The following ZNF503 variants were observed in gnomAD, a reference collection of about 807,000 sequenced individuals.
The protein encoded by ZNF503 is zinc finger protein 503, also known as NocA-like zinc finger 2.
ZNF503 carries 15 observed loss-of-function variants against 34.4 expected under a neutral mutation model. The ratio of observed to expected loss-of-function variants is 0.44; its 90% CI spans 0.29 to 0.67. The LOEUF (loss-of-function observed/expected upper bound fraction) is 0.67. ZNF503 is among the 30% of genes least tolerant of loss of function. The probability of loss-of-function intolerance (pLI) is 0.13; values close to 1 mark genes in which losing one functional copy is unlikely to be tolerated. For missense variants in ZNF503, 1,007 were observed against 926.8 expected (o/e 1.09, Z -1.12); for synonymous variants, 580 against 456.8 (o/e 1.27, Z -3.44).
the ZNF503 span, among the ~76,000 whole-genome samples, chr10:75,363,046 G>T: frequency 6.6e-6 from 1 of 151,596 alleles, no homozygotes; most frequent in Non-Finnish European, 1.5e-5. Context: ...GCAGGAGTCT[G>T]TGTGTGGGCA....
rs898787913 is a variant in ZNF503 at position 75,398,031 on chromosome 10, T to TC, written c.*717_*718insG. 6.6e-6 allele frequency: 1 copy of TC among 151,432 alleles called. No homozygotes were observed. The highest frequency in any genetic ancestry group is 2.4e-5 in the African/African-American group (1 of 41,326). The allele number at this position is 151,432 out of a possible 1,614,324, so 9.4% of individuals were successfully genotyped here. A position where few individuals can be genotyped will look rare whatever the true frequency, so the allele number is the denominator to read the frequency against. ...GAATAGAATTTTTTCTTTTTCTTTT[T>TC]TTTTTTGTTGTTTTCTTCCAGAATA... On this transcript the variant is annotated 3_prime_UTR_variant, in exon 2 of 2. Coordinates refer to ENST00000372524, the MANE Select transcript of ZNF503 (RefSeq NM_032772.6).
At chr10:75,323,046 A>G in the ZNF503 span, among the ~76,000 whole-genome samples, 4 of 152,116 alleles carry the variant, frequency 2.6e-5, no homozygotes, top group African/African-American at 9.7e-5. Context: ...TTACTCCAAA[A>G]TTCCCTTGTT....
At chr10:75,325,758 T>A in the ZNF503 span, among the ~76,000 whole-genome samples, 3 of 147,942 alleles carry the variant, frequency 2.0e-5, no homozygotes, top group East Asian at 5.8e-4. Context: ...ATGGCATATC[T>A]TTCCATTTAT....
At chr10:75,287,775 C>T in the ZNF503 span, among the ~76,000 whole-genome samples, 1 of 152,178 alleles carries the variant, frequency 6.6e-6, no homozygotes, top group Non-Finnish European at 1.5e-5. Context: ...GTCATGGCTG[C>T]CAAAGCTATG....
At chr10:75,353,309 G>A in the ZNF503 span, among the ~76,000 whole-genome samples, 1 of 152,072 alleles carries the variant, frequency 6.6e-6, no homozygotes, top group African/African-American at 2.4e-5. Context: ...GCCCACCCAG[G>A]CTCTCACTCA....
the ZNF503 span, among the ~76,000 whole-genome samples, chr10:75,366,914 T>A: frequency 2.1e-5 from 3 of 144,884 alleles, no homozygotes; most frequent in African/African-American, 8.7e-5. Flanking sequence ...ACTACTAGCT[T>A]GCTTAATATA....
At chr10:75,327,415 G>A in the ZNF503 span, among the ~76,000 whole-genome samples, 1 of 152,166 alleles carries the variant, frequency 6.6e-6, no homozygotes, top group Non-Finnish European at 1.5e-5. Context: ...CATCCGTGTT[G>A]CCATGAAAAA....
At chr10:75,322,640 C>T in the ZNF503 span, among the ~76,000 whole-genome samples, 97 of 151,712 alleles carry the variant, frequency 6.4e-4, no homozygotes, top group African/African-American at 2.2e-3. Context: ...GACCAGCCTG[C>T]GCAACATGGT....
the ZNF503 span, among the ~76,000 whole-genome samples, chr10:75,377,758 A>G: frequency 2.6e-5 from 4 of 152,258 alleles, no homozygotes; most frequent in Non-Finnish European, 5.9e-5. Context: ...CGAGGTCTGC[A>G]TGGCCACACA....
At chr10:75,307,563 G>C in the ZNF503 span, among the ~76,000 whole-genome samples, 9 of 152,256 alleles carry the variant, frequency 5.9e-5, no homozygotes, top group Non-Finnish European at 1.2e-4. Context: ...AAGACAATTG[G>C]TGAAAGTGGT....
At chr10:75,285,289 T>C in the ZNF503 span, among the ~76,000 whole-genome samples, 1 of 152,222 alleles carries the variant, frequency 6.6e-6, no homozygotes, top group Admixed American at 6.5e-5. Flanking sequence ...AGTGAGAAAT[T>C]GAACCCATAC....
the ZNF503 span, among the ~76,000 whole-genome samples, chr10:75,337,861 C>T: frequency 6.6e-6 from 1 of 152,282 alleles, no homozygotes; most frequent in South Asian, 2.1e-4. Flanking sequence ...AACACCAATA[C>T]CTAGAGAGGG....
chr10:75,279,777 CT>C, the ZNF503 span: 1 of 152,202 alleles, frequency 6.6e-6, no homozygotes, highest in African/African-American at 2.4e-5. Context: ...TCTGGGAAAT[CT>C]AAGATCAAGG....
chr10:75,353,364 C>T, the ZNF503 span, among the ~76,000 whole-genome samples: 6 of 152,218 alleles, frequency 3.9e-5, no homozygotes, highest in Admixed American at 2.6e-4. Context: ...CGGCCAATTC[C>T]TGGCTGACCC....
the ZNF503 span, among the ~76,000 whole-genome samples, chr10:75,342,825 GCAGGCT>G: frequency 6.6e-6 from 1 of 152,072 alleles, no homozygotes; most frequent in African/African-American, 2.4e-5. Context: ...CTCCAGAAGG[GCAGGCT>G]CATGTCTCAC....
At position 75,399,289 on chromosome 10, in the gene ZNF503, C is replaced by T; in HGVS notation, c.1401G>A (p.Pro467=). 2 of 1,600,598 alleles carry T rather than the reference C, an allele frequency of 1.2e-6. No individual in the cohort carries two copies. The highest frequency in any genetic ancestry group is 1.7e-6 in the Non-Finnish European group (2 of 1,174,712). Residue 467 remains proline, a synonymous_variant, in exon 2 of 2, where the codon CCG becomes CCA. Transcript: ENST00000372524. ...AAAAALKSGY[P]LVYPTHPLHG... ...GCAGCGGGTGCGTGGGGTACACCAG[C>T]GGGTATCCGGACTTCAGCGCCGCAG... is the stretch of plus-strand genomic sequence containing the variant.
chr10:75,346,914 T>C, the ZNF503 span, among the ~76,000 whole-genome samples: 1 of 152,200 alleles, frequency 6.6e-6, no homozygotes, highest in Non-Finnish European at 1.5e-5. Context: ...AGTGTTGGGA[T>C]TGGGATTACA....
At chr10:75,384,379 C>T in the ZNF503 span, among the ~76,000 whole-genome samples, 341 of 152,260 alleles carry the variant, frequency 2.2e-3, 1 homozygote, top group African/African-American at 7.7e-3. Flanking sequence ...CTCGTACACA[C>T]TTTCCCATAT....
At chr10:75,371,347 A>C in the ZNF503 span, among the ~76,000 whole-genome samples, 2 of 152,016 alleles carry the variant, frequency 1.3e-5, no homozygotes, top group Non-Finnish European at 2.9e-5. Flanking sequence ...AATGGTTTGA[A>C]CCCAAACACT....
Sources: gnomAD v4.1 joint callset for allele counts (sites outside exome capture counted in the v4.1 genomes callset) on GRCh38, gnomAD v4.1.1 for gene constraint, MANE v1.5 for transcripts, NCBI Gene and HGNC (gene_info 2026-07-23, HGNC 2026-07-21) for gene names.